TRDMT1: variants seen among roughly 807,000 people sequenced by gnomAD.
TRDMT1 encodes tRNA aspartic acid methyltransferase 1.
TRDMT1 carries 49 observed loss-of-function variants against 51.2 expected under a neutral mutation model. That is an observed-to-expected ratio of 0.96 (90% CI 0.76 to 1.21). TRDMT1 has a LOEUF of 1.21. TRDMT1 is among the 50% of genes most tolerant of loss of function. The pLI is 0.00. For synonymous variants in TRDMT1, 187 were observed against 164.6 expected (o/e 1.14, Z -1.04); for missense variants, 534 against 462.3 (o/e 1.16, Z -1.42).
intron 1 of TRDMT1, among the ~76,000 whole-genome samples, chr10:17,195,433 A>G (rs1048351130): frequency 1.3e-5 from 2 of 152,186 alleles, no homozygotes; most frequent in Non-Finnish European, 2.9e-5. Context: ...GATGGCAACA[A>G]TAGACACCGG....
intron 2 of TRDMT1, chr10:17,171,809 G>C (rs1324597299): frequency 1.3e-5 from 2 of 152,630 alleles, no homozygotes; most frequent in Non-Finnish European, 2.9e-5. Context: ...TTTCTACTTT[G>C]ATTCATCTCT....
chr10:17,182,449 T>C (rs1035521387), intron 1 of TRDMT1, among the ~76,000 whole-genome samples: 2 of 152,196 alleles, frequency 1.3e-5, no homozygotes, highest in African/African-American at 4.8e-5. Context: ...CAAACTAATA[T>C]GCCATTTGTT....
intron 1 of TRDMT1, among the ~76,000 whole-genome samples, chr10:17,177,713 A>AACACACACACACACACAC (rs372220525): frequency 2.3e-3 from 336 of 147,134 alleles, no homozygotes; most frequent in African/African-American, 3.6e-3. Flanking sequence ...ATAGACAAGA[A>AACACACACACACACACAC]ACACACACAC....
chr10:17,154,541 A>G (rs1839232418), intron 9 of TRDMT1, 136 bp downstream of exon 9: 1 of 433,936 alleles, frequency 2.3e-6, no homozygotes, highest in Non-Finnish European at 3.8e-6. Context: ...TATTATATAT[A>G]TGAATATACA....
intron 1 of TRDMT1, among the ~76,000 whole-genome samples, chr10:17,182,669 A>G (rs926758391): frequency 6.6e-6 from 1 of 152,190 alleles, no homozygotes; most frequent in African/African-American, 2.4e-5. Flanking sequence ...ACTTATTTCT[A>G]TATATGGATA....
intron 1 of TRDMT1, among the ~76,000 whole-genome samples, chr10:17,176,988 T>C (rs1842697536): frequency 6.6e-6 from 1 of 152,078 alleles, no homozygotes; most frequent in Non-Finnish European, 1.5e-5. Context: ...GGAGGCAGAA[T>C]TTGGGAAAGG....
At position 17,146,574 on chromosome 10, in the gene TRDMT1, C is replaced by T. The variant is rs780680852; in HGVS notation, c.*2466G>A. The T allele has an allele frequency of 9.3e-5, 92 of 985,058 alleles. No individual in the cohort carries two copies. Among genetic ancestry groups the T allele is most frequent in the Non-Finnish European group, 1.1e-4 (89 of 829,778 alleles). 61.0% of individuals were successfully genotyped at this position (985,058 alleles called of 1,614,324 possible). On this transcript the variant is annotated 3_prime_UTR_variant, in exon 11 of 11. Coordinates refer to ENST00000377799, the MANE Select transcript of TRDMT1 (RefSeq NM_004412.7). ...AAAATATGAAGCAGGGTAATAAATACCTTACAATTATCTGGCAAGCCGTTT... is the reference window on the plus strand; with the variant it reads ...AAAATATGAAGCAGGGTAATAAATATCTTACAATTATCTGGCAAGCCGTTT...
rs12240661 is a variant in TRDMT1 at position 17,187,688 on chromosome 10, A to G, written c.65-13028T>C. On this transcript the variant is annotated intron_variant, in intron 1 of 10. Coordinates refer to ENST00000377799, the MANE Select transcript of TRDMT1 (RefSeq NM_004412.7). Reference sequence around the variant, plus strand: ...GGCAGTAATAAGTGTTAAAGTGAAAAACAAAACAGGCCAGAGGATAGGGAG... The same window carrying G: ...GGCAGTAATAAGTGTTAAAGTGAAAGACAAAACAGGCCAGAGGATAGGGAG... 8.1e-3 allele frequency among the ~76,000 whole-genome samples: 1,238 copies of G among 152,298 alleles called. 21 individuals carry two copies. The highest frequency in any genetic ancestry group is 0.027 in the African/African-American group (1,143 of 41,580).
intron 1 of TRDMT1, 162 bp downstream of exon 1, chr10:17,201,409 G>C: frequency 3.1e-6 from 2 of 642,224 alleles, no homozygotes; most frequent in South Asian, 2.2e-5. Context: ...GGTGGACACG[G>C]CGGCGCGCAG....
At chr10:17,165,137 A>C (rs1841000316) in intron 3 of TRDMT1, among the ~76,000 whole-genome samples, 1 of 152,232 alleles carries the variant, frequency 6.6e-6, no homozygotes. Flanking sequence ...AGGCTACAGT[A>C]ACCAAAACAG....
Position 17,159,326 on chromosome 10 carries a change from C to G in TRDMT1, c.460-97G>C, listed in dbSNP as rs185372461. ...AAACAGCAACAACAAAAAACTCAAA[C>G]GAGCCTACATTTAGCTTCTACCACA... On this transcript the variant is annotated intron_variant, in intron 6 of 10. Coordinates refer to ENST00000377799, the MANE Select transcript of TRDMT1 (RefSeq NM_004412.7). The G allele has an allele frequency of 7.7e-6, 6 of 775,914 alleles. No homozygotes were observed. The East Asian group carries it at 1.6e-4, about 21-fold the overall frequency. 48.1% of individuals were successfully genotyped at this position (775,914 alleles called of 1,614,324 possible). A position where few individuals can be genotyped will look rare whatever the true frequency, so the allele number is the denominator to read the frequency against.
At chr10:17,194,717 G>C (rs1845146745) in intron 1 of TRDMT1, among the ~76,000 whole-genome samples, 1 of 152,074 alleles carries the variant, frequency 6.6e-6, no homozygotes, top group Non-Finnish European at 1.5e-5. Context: ...TGGATTGCTT[G>C]GGATCAGGAG....
chr10:17,178,538 T>C (rs1842890376), intron 1 of TRDMT1, among the ~76,000 whole-genome samples: 1 of 151,964 alleles, frequency 6.6e-6, no homozygotes, highest in Admixed American at 6.6e-5. Context: ...TAGCCAGGCA[T>C]GGTGGCACAC....
At chr10:17,160,941 G>A (rs533593755) in intron 5 of TRDMT1, among the ~76,000 whole-genome samples, 2 of 152,128 alleles carry the variant, frequency 1.3e-5, no homozygotes, top group East Asian at 1.9e-4. Context: ...ACTGATGAAA[G>A]TCAGAATTGC....
At position 17,162,192 on chromosome 10, in the gene TRDMT1, G is replaced by C; in HGVS notation, c.297C>G (p.Phe99Leu). 6.2e-7 allele frequency: 1 copy of C among 1,605,522 alleles called. No homozygotes were observed. Among genetic ancestry groups the C allele is most frequent in the Middle Eastern group, 1.7e-4 (1 of 6,036 alleles). The change falls in exon 4 of 11, where the codon TTC becomes TTG. Residue 99 changes from phenylalanine (F) to leucine (L), a missense_variant. Coordinates refer to ENST00000377799, the MANE Select transcript of TRDMT1 (RefSeq NM_004412.7). ...GDMTDSRTNS[F>L]LHILDILPRL... ...TTGGGAGAATATCTAGAATATGTAA[G>C]AAGCTATTCGTCCTTGAATCAGTCA... is the stretch of plus-strand genomic sequence containing the variant.
Position 17,160,347 on chromosome 10 carries a change from A to T in TRDMT1, c.417T>A (p.Asn139Lys). ...GAAACTCTTGGTACTGAAAGCCACA[A>T]TTTTCTATTGTTTGTATCAAGAGGT... ...TRDLLIQTIE[N>K]CGFQYQEFLL... The change falls in exon 6 of 11, where the codon AAT becomes AAA. Residue 139 changes from asparagine to lysine, a missense_variant. Physicochemically the swap from Asn to Lys is moderately conservative, Grantham distance 94. Transcript: ENST00000377799. 1 of 1,566,252 alleles carries T rather than the reference A, an allele frequency of 6.4e-7. No homozygotes were observed. The highest frequency in any genetic ancestry group is 8.6e-7 in the Non-Finnish European group (1 of 1,156,464).
chr10:17,162,936 A>T (rs1840623121), intron 3 of TRDMT1, among the ~76,000 whole-genome samples: 1 of 152,210 alleles, frequency 6.6e-6, no homozygotes, highest in Non-Finnish European at 1.5e-5. Context: ...TTAGGAAAAC[A>T]CACACACATG....
chr10:17,169,395 A>G, intron 2 of TRDMT1: 3 of 1,280,108 alleles, frequency 2.3e-6, no homozygotes, highest in Non-Finnish European at 3.0e-6. Context: ...ATATTATCAA[A>G]TGGAAAAGGG....
intron 1 of TRDMT1, among the ~76,000 whole-genome samples, chr10:17,188,167 A>C (rs1420304921): frequency 6.6e-6 from 1 of 152,118 alleles, no homozygotes; most frequent in Admixed American, 6.5e-5. Context: ...TATTTATCCC[A>C]TTTAACAGGT....
Sources: allele counts gnomAD v4.1 joint callset (sites outside exome capture counted in the v4.1 genomes callset), GRCh38; gene constraint gnomAD v4.1.1; transcripts MANE v1.5; gene names NCBI Gene and HGNC (gene_info 2026-07-23, HGNC 2026-07-21).